Variants in BEGAIN observed in about 807,000 individuals in gnomAD.
The protein encoded by BEGAIN is brain-enriched guanylate kinase-associated protein.
In BEGAIN, 19 loss-of-function variants were observed where a neutral mutation model predicts 35.8. The ratio of observed to expected loss-of-function variants is 0.53; its 90% CI spans 0.37 to 0.78. The LOEUF is 0.78. BEGAIN is among the 30% of genes least tolerant of loss of function. The probability of loss-of-function intolerance (pLI) is 0.00; values close to 1 mark genes in which losing one functional copy is unlikely to be tolerated. For synonymous variants in BEGAIN, 462 were observed against 388.6 expected, an observed-to-expected ratio of 1.19 and a Z score of -2.22; for missense variants, 795 against 853.6, an observed-to-expected ratio of 0.93 and a Z score of 0.85.
chr14:100,577,507 A>T (rs1448929056), intron 1 of BEGAIN: 1 of 399,220 alleles, frequency 2.5e-6, no homozygotes, highest in Non-Finnish European at 4.4e-6. Flanking sequence ...CTCCTGGGCT[A>T]GACCTTGGCC....
chr14:100,580,129 A>G (rs1021197559), intron 1 of BEGAIN, among the ~76,000 whole-genome samples: 1 of 152,098 alleles, frequency 6.6e-6, no homozygotes, highest in Non-Finnish European at 1.5e-5. Context: ...ACATGGTGAA[A>G]CCCCATCTCT....
intron 1 of BEGAIN, among the ~76,000 whole-genome samples, chr14:100,581,583 C>A (rs2035316532): frequency 6.6e-6 from 1 of 152,214 alleles, no homozygotes; most frequent in South Asian, 2.1e-4. Context: ...TCCCCACCCG[C>A]CTCTGTGCAT....
intron 5 of BEGAIN, 128 bp downstream of exon 5, chr14:100,543,730 G>C: frequency 1.4e-6 from 1 of 722,634 alleles, no homozygotes; most frequent in East Asian, 2.7e-5. Context: ...CCAGCCCCTT[G>C]AGGCTGGGGC....
At chr14:100,575,087 G>C (rs2035174070) in intron 1 of BEGAIN, among the ~76,000 whole-genome samples, 1 of 152,194 alleles carries the variant, frequency 6.6e-6, no homozygotes, top group Admixed American at 6.5e-5. Flanking sequence ...CAGCCAGGCA[G>C]GACAGCACAG....
At chr14:100,578,856 C>CTT (rs529546763) in intron 1 of BEGAIN, among the ~76,000 whole-genome samples, 18,594 of 126,814 alleles carry the variant, frequency 0.15, 2,038 homozygotes, top group East Asian at 0.54. Context: ...GCCTCTGGTA[C>CTT]TTTTTTTTTT....
In BEGAIN at chr14:100,567,107, T is replaced by C. The variant is rs1243524639; in HGVS notation, c.71+804A>G. ...CCCTGTGGGCCAGGGGAGACAGTGC[T>C]GAAACCCAGCAGCCAGAGCTGGGCC... On this transcript the variant is annotated intron_variant, in intron 2 of 6. Transcript: ENST00000554140. The surrounding 1 kb of genome is among the most constrained non-coding windows in gnomAD (Gnocchi z 5.1). Among the ~76,000 whole-genome samples, 1 of 152,122 alleles carries C rather than the reference T, an allele frequency of 6.6e-6. No individual in the cohort carries two copies. Among genetic ancestry groups the C allele is most frequent in the Non-Finnish European group, 1.5e-5 (1 of 67,996 alleles).
intron 1 of BEGAIN, chr14:100,569,033 G>A (rs1745779834): frequency 4.8e-5 from 39 of 809,242 alleles, no homozygotes; most frequent in Non-Finnish European, 5.7e-5. Flanking sequence ...GGCGCAGCCC[G>A]GCCGCAGCGC....
intron 1 of BEGAIN, chr14:100,577,174 A>G: frequency 2.5e-6 from 1 of 397,692 alleles, no homozygotes; most frequent in African/African-American, 2.1e-5. Flanking sequence ...TTAGAGATTC[A>G]TTCTTTTGGC....
In BEGAIN at chr14:100,567,906, C is replaced by G; in HGVS notation, c.71+5G>C. The G allele has an allele frequency of 1.4e-6, 2 of 1,468,352 alleles. No homozygotes were observed. Among genetic ancestry groups the G allele is most frequent in the Middle Eastern group, 1.9e-4 (1 of 5,372 alleles). 91.0% of individuals were successfully genotyped at this position (1,468,352 alleles called of 1,614,324 possible). ...GAGCCGCGGCACGGGAGACGCTCCA[C>G]TCACCTGAGTTTCTCCATGTCTGCG... On this transcript the variant is annotated splice_donor_5th_base_variant and intron_variant, in intron 2 of 6. Coordinates refer to ENST00000554140, the MANE Select transcript of BEGAIN (RefSeq NM_001385089.1). This position sits in a 1 kb window ranked among gnomAD's most constrained non-coding sequence, Gnocchi z 5.1.
At chr14:100,572,136 A>G (rs1290903542) in intron 1 of BEGAIN, among the ~76,000 whole-genome samples, 1 of 152,084 alleles carries the variant, frequency 6.6e-6, no homozygotes, top group Non-Finnish European at 1.5e-5. Context: ...TCCCTTCTTC[A>G]AGCCTGCCCC....
rs1452086649 is a variant in BEGAIN, at chr14:100,555,164, C to T, written c.72-8502G>A. On this transcript the variant is annotated intron_variant, in intron 2 of 6. Transcript: ENST00000554140. ...GCCTCTGACGGGCCCAGGGCCGAGTCCTCGCAGAGCTGCTTCTGCCCCCCG... is the reference window on the plus strand; with the variant it reads ...GCCTCTGACGGGCCCAGGGCCGAGTTCTCGCAGAGCTGCTTCTGCCCCCCG... 3.3e-5 allele frequency among the ~76,000 whole-genome samples: 5 copies of T among 152,258 alleles called. 1 individual carries two copies. The South Asian group carries it at 1.0e-3, about 31-fold the overall frequency.
In BEGAIN at chr14:100,573,869, G is replaced by C. The variant is rs1386981114; in HGVS notation, c.43-5930C>G. On this transcript the variant is annotated intron_variant, in intron 1 of 6. Coordinates refer to ENST00000554140, the MANE Select transcript of BEGAIN (RefSeq NM_001385089.1). This position sits in a 1 kb window ranked among gnomAD's most constrained non-coding sequence, Gnocchi z 4.2. ...GCCACGGTGGGAGGCGACAGGGGCT[G>C]GGACAGAGCCCGGGACTCTGCCACT... 6.6e-6 allele frequency among the ~76,000 whole-genome samples: 1 copy of C among 151,966 alleles called. No homozygotes were observed. Among genetic ancestry groups the C allele is most frequent in the East Asian group, 1.9e-4 (1 of 5,170 alleles).
At position 100,545,054 on chromosome 14, in the gene BEGAIN, G is replaced by A. The variant is rs769393283; in HGVS notation, c.246C>T (p.Asn82=). The A allele has an allele frequency of 5.0e-6, 8 of 1,613,444 alleles. No homozygotes were observed. In the South Asian group the frequency reaches 5.5e-5, roughly 11 times the overall value. The change falls in exon 4 of 7, where the codon AAC becomes AAT. Residue 82 remains asparagine, a synonymous_variant. Coordinates refer to ENST00000554140, the MANE Select transcript of BEGAIN (RefSeq NM_001385089.1). ...VTEKLRRIQS[N]YMALQRINQE... ...GGTTGATCCTCTGCAGTGCCATGTAGTTGCTCTGAATCCTGGTGCAGGAGG... is the reference window on the plus strand; with the variant it reads ...GGTTGATCCTCTGCAGTGCCATGTAATTGCTCTGAATCCTGGTGCAGGAGG...
At chr14:100,580,860 C>T (rs2035301592) in intron 1 of BEGAIN, among the ~76,000 whole-genome samples, 1 of 152,034 alleles carries the variant, frequency 6.6e-6, no homozygotes, top group South Asian at 2.1e-4. Flanking sequence ...TCACAAACAT[C>T]CCCAGCCTGG....
chr14:100,570,839 C>T (rs576285618), intron 1 of BEGAIN, among the ~76,000 whole-genome samples: 5 of 152,318 alleles, frequency 3.3e-5, no homozygotes, highest in Non-Finnish European at 5.9e-5. Context: ...ACCCTTACTA[C>T]GGGTGAGGAA....
chr14:100,546,465 C>T (rs2032466721), intron 3 of BEGAIN, 36 bp downstream of exon 3: 1 of 815,402 alleles, frequency 1.2e-6, no homozygotes, highest in Non-Finnish European at 1.6e-6. Context: ...CCCGCCCCGG[C>T]CCTCGCCCCG....
chr14:100,574,377 T>C (rs2035157128), intron 1 of BEGAIN, among the ~76,000 whole-genome samples: 1 of 152,206 alleles, frequency 6.6e-6, no homozygotes, highest in South Asian at 2.1e-4. Context: ...GGGTCTTGTC[T>C]AGGCTCTGTG....
rs537836455 is a variant in BEGAIN at position 100,567,635 on chromosome 14, C to T, written c.71+276G>A. 3.1e-3 allele frequency among the ~76,000 whole-genome samples: 477 copies of T among 151,832 alleles called. 4 individuals carry two copies. The highest frequency in any genetic ancestry group is 0.011 in the African/African-American group (457 of 41,500). On this transcript the variant is annotated intron_variant, in intron 2 of 6. Coordinates refer to ENST00000554140, the MANE Select transcript of BEGAIN (RefSeq NM_001385089.1). The surrounding 1 kb of genome is among the most constrained non-coding windows in gnomAD (Gnocchi z 5.1). ...GCGCTGAGGACCGCACAGGACCAGG[C>T]GGCCCCGGGTAGGGGGCAGCCCGGC...
intron 2 of BEGAIN, among the ~76,000 whole-genome samples, chr14:100,550,083 C>T (rs1009652867): frequency 3.3e-5 from 5 of 152,306 alleles, no homozygotes; most frequent in African/African-American, 9.6e-5. Context: ...CGTGTGCGTG[C>T]GCACGTGATT....
Sources: gnomAD v4.1 joint callset for allele counts (sites outside exome capture counted in the v4.1 genomes callset) on GRCh38, gnomAD v4.1.1 for gene constraint, Gnocchi (gnomAD v3.1) non-coding constraint, MANE v1.5 for transcripts, NCBI Gene and HGNC (gene_info 2026-07-23, HGNC 2026-07-21) for gene names.